Variants in MAPK10 observed in about 807,000 individuals in gnomAD.
MAPK10 encodes the protein mitogen-activated protein kinase 10.
MAPK10 carries 25 observed loss-of-function variants against 59.3 expected under a neutral mutation model. The observed-to-expected ratio is 0.42, with a 90% CI of 0.31 to 0.59. The LOEUF (loss-of-function observed/expected upper bound fraction) is 0.59, where lower values mean the gene tolerates loss of function less well. MAPK10 is among the 20% of genes least tolerant of loss of function. The pLI is 0.15. For missense variants in MAPK10, 351 were observed against 568.9 expected (o/e 0.62, Z 3.90); for synonymous variants, 190 against 200.5 (o/e 0.95, Z 0.44).
chr4:86,566,926 T>C (rs1368856591), intron 1 of MAPK10, among the ~76,000 whole-genome samples: 1 of 151,934 alleles, frequency 6.6e-6, no homozygotes, highest in Non-Finnish European at 1.5e-5. Flanking sequence ...AAAATTAGCC[T>C]GGCATGGTGG....
At chr4:86,576,835 C>T (rs890118337) in intron 1 of MAPK10, among the ~76,000 whole-genome samples, 1 of 151,464 alleles carries the variant, frequency 6.6e-6, no homozygotes, top group East Asian at 1.9e-4. Context: ...GAACACTAGA[C>T]GAAGGTTTTA....
chr4:86,082,000 G>C (rs2050759251), intron 9 of MAPK10: 1 of 152,074 alleles, frequency 6.6e-6, no homozygotes. Flanking sequence ...ACTATGTCCA[G>C]TCCATGAACA....
At chr4:86,223,205 T>C (rs972396763) in intron 2 of MAPK10, among the ~76,000 whole-genome samples, 18 of 152,214 alleles carry the variant, frequency 1.2e-4, no homozygotes, top group Non-Finnish European at 2.9e-5. Flanking sequence ...TCAGCTCCCC[T>C]TTAATGAGGC....
chr4:86,137,582 G>C (rs2149165192), intron 4 of MAPK10, among the ~76,000 whole-genome samples: 1 of 130,340 alleles, frequency 7.7e-6, no homozygotes, highest in Admixed American at 7.6e-5. Flanking sequence ...AGAGAAAGCA[G>C]GAAAGATCCA....
At chr4:86,372,202 T>C (rs1218338790) in intron 1 of MAPK10, among the ~76,000 whole-genome samples, 1 of 152,040 alleles carries the variant, frequency 6.6e-6, no homozygotes, top group African/African-American at 2.4e-5. Context: ...CACAGTGCAA[T>C]CAAATTAGAA....
Position 86,589,942 on chromosome 4 carries a change from C to T in MAPK10, c.-263+3968G>A, listed in dbSNP as rs182399975. On this transcript the variant is annotated intron_variant, in intron 1 of 4. Transcript: ENST00000502302. ...GAGCTTGCAGTGAGCCGAGATCGCG[C>T]CACTGCACTCCAGCCTGGGCTACAG... Among the ~76,000 whole-genome samples, 438 of 150,892 alleles carry T rather than the reference C, an allele frequency of 2.9e-3. 4 individuals carry two copies. The highest frequency in any genetic ancestry group is 0.01 in the African/African-American group (425 of 41,002).
At chr4:86,488,410 A>G (rs1452013309) in intron 1 of MAPK10, among the ~76,000 whole-genome samples, 1 of 152,140 alleles carries the variant, frequency 6.6e-6, no homozygotes, top group Non-Finnish European at 1.5e-5. Flanking sequence ...CCTTGTGCAA[A>G]GTTTTATGAG....
intron 2 of MAPK10, among the ~76,000 whole-genome samples, chr4:86,349,777 T>A (rs545824256): frequency 6.6e-6 from 1 of 152,204 alleles, no homozygotes; most frequent in African/African-American, 2.4e-5. Context: ...GTCTGAGTAG[T>A]AGGACCTCAG....
At chr4:86,050,446 T>C (rs1371065808) in intron 11 of MAPK10, among the ~76,000 whole-genome samples, 1 of 152,204 alleles carries the variant, frequency 6.6e-6, no homozygotes, top group East Asian at 1.9e-4. Flanking sequence ...CCATGTCCTC[T>C]AATTGTTGAC....
intron 12 of MAPK10, 130 bp downstream of exon 12, chr4:86,031,238 T>G: frequency 1.5e-6 from 1 of 672,148 alleles, no homozygotes; most frequent in South Asian, 1.8e-5. Context: ...TTTAGGAGCT[T>G]TAAAAATGGT....
intron 2 of MAPK10, among the ~76,000 whole-genome samples, chr4:86,335,452 T>C (rs1477774273): frequency 3.3e-5 from 5 of 152,226 alleles, no homozygotes; most frequent in Non-Finnish European, 7.3e-5. Flanking sequence ...CCAGATAAGT[T>C]TGCTAAATAG....
At chr4:86,094,018 A>T (rs1219071458) in intron 9 of MAPK10, among the ~76,000 whole-genome samples, 1 of 151,938 alleles carries the variant, frequency 6.6e-6, no homozygotes, top group Non-Finnish European at 1.5e-5. Context: ...TCTTAATTCT[A>T]AGAAAAAGAG....
chr4:86,350,447 C>T (rs1288364669), intron 2 of MAPK10, among the ~76,000 whole-genome samples: 1 of 152,156 alleles, frequency 6.6e-6, no homozygotes, highest in Non-Finnish European at 1.5e-5. Flanking sequence ...ATCTCCTGAC[C>T]TCGTGATCCG....
At chr4:86,421,044 T>C (rs1264735420) in intron 1 of MAPK10, among the ~76,000 whole-genome samples, 3 of 151,714 alleles carry the variant, frequency 2.0e-5, no homozygotes, top group African/African-American at 7.3e-5. Flanking sequence ...AGCATGCCAC[T>C]GCACTCCAGC....
At chr4:86,255,754 A>G (rs1221468160) in intron 2 of MAPK10, among the ~76,000 whole-genome samples, 2 of 152,204 alleles carry the variant, frequency 1.3e-5, no homozygotes, top group Non-Finnish European at 2.9e-5. Context: ...GACCCTAAAC[A>G]TAAACTAAAA....
intron 1 of MAPK10, among the ~76,000 whole-genome samples, chr4:86,449,622 T>A (rs1434821746): frequency 1.3e-5 from 2 of 152,224 alleles, no homozygotes; most frequent in Non-Finnish European, 2.9e-5. Context: ...ATGCATGCTT[T>A]TGCAAAGTCT....
intron 1 of MAPK10, among the ~76,000 whole-genome samples, chr4:86,577,756 T>C (rs1022107007): frequency 4.7e-4 from 71 of 152,282 alleles, no homozygotes; most frequent in African/African-American, 1.6e-3. Context: ...GCAATCGTTA[T>C]AAAGGCTGAA....
chr4:86,113,013 G>A (rs578052798), intron 4 of MAPK10, among the ~76,000 whole-genome samples: 1 of 151,342 alleles, frequency 6.6e-6, no homozygotes, highest in African/African-American at 2.4e-5. Flanking sequence ...TTTAAAGTCT[G>A]TTTTTCAGTA....
chr4:86,194,252 G>T (rs1246280598), intron 3 of MAPK10, 84 bp downstream of exon 3: 1 of 1,018,276 alleles, frequency 9.8e-7, no homozygotes, highest in East Asian at 2.4e-5. Flanking sequence ...ACTGACTTTG[G>T]TGTGGAATGT....
Sources: gnomAD v4.1 joint callset for allele counts (sites outside exome capture counted in the v4.1 genomes callset) on GRCh38, gnomAD v4.1.1 for gene constraint, MANE v1.5 for transcripts, NCBI Gene and HGNC (gene_info 2026-07-23, HGNC 2026-07-21) for gene names.